Variants in SEC23IP observed in about 807,000 individuals in gnomAD.
SEC23IP encodes the protein SEC23-interacting protein.
SEC23IP carries 70 observed loss-of-function variants against 113.4 expected under a neutral mutation model. That is an observed-to-expected ratio of 0.62 (90% CI 0.51 to 0.75). The LOEUF (loss-of-function observed/expected upper bound fraction) is 0.75. Ranked by LOEUF, SEC23IP falls within the 30% of genes least tolerant of loss-of-function variation. The probability of loss-of-function intolerance (pLI) is 0.00; values close to 1 mark genes in which losing one functional copy is unlikely to be tolerated. For synonymous variants in SEC23IP, 398 were observed against 421.0 expected (o/e 0.95, Z 0.67); for missense variants, 1,160 against 1,204.9 (o/e 0.96, Z 0.55).
At position 119,892,838 on chromosome 10, in the gene SEC23IP, G is replaced by C. The variant is rs564173559; in HGVS notation, c.56G>C (p.Gly19Ala). 6.2e-7 allele frequency: 1 copy of C among 1,613,786 alleles called. No homozygotes were observed. The highest frequency in any genetic ancestry group is 1.1e-5 in the South Asian group (1 of 91,010). Residue 19 changes from glycine (G) to alanine (A), a missense_variant, in exon 1 of 19, where the codon GGC becomes GCC. Transcript: ENST00000369075. ...GGCGGCGCCTCCACTTCCTCATCGG[G>C]CACTAACTTACTTTTCTCCTCCTCG... ...GSGGASTSSSGTNLLFSSSAT... is the reference protein window; with the variant it reads ...GSGGASTSSSATNLLFSSSAT...
rs1466631510 is a variant in SEC23IP, at chr10:119,898,797, A to G, written c.534A>G (p.Pro178=). The G allele has an allele frequency of 1.2e-6, 2 of 1,614,174 alleles. No individual in the cohort carries two copies. Among genetic ancestry groups the G allele is most frequent in the Non-Finnish European group, 1.7e-6 (2 of 1,180,022 alleles). The change falls in exon 2 of 19, where the codon CCA becomes CCG. Residue 178 remains proline, a synonymous_variant. Coordinates refer to ENST00000369075, the MANE Select transcript of SEC23IP (RefSeq NM_007190.4). ...ACCAACCCCAAGGAATTCCCCAACC[A>G]GGATACAATCCATATCGCCATACCC... ...FGNQPQGIPQ[P]GYNPYRHTPG...
rs372821831 is a variant in SEC23IP, at chr10:119,916,303, C to G, written c.1544+414C>G. ...AATATTGTTTCTCAGTGGAGATGCT[C>G]TTGTCAGGACAATTCTTTGCTGTCG... is the stretch of plus-strand genomic sequence containing the variant. On this transcript the variant is annotated intron_variant, in intron 8 of 18. Transcript: ENST00000369075. Among the ~76,000 whole-genome samples, 546 of 152,268 alleles carry G rather than the reference C, an allele frequency of 3.6e-3. 1 individual carries two copies. Among genetic ancestry groups the G allele is most frequent in the African/African-American group, 0.013 (524 of 41,564 alleles).
In SEC23IP at chr10:119,943,375, C is replaced by G. The variant is rs1856008164; in HGVS notation, c.*2810C>G. The G allele has an allele frequency of 1.3e-5, 2 of 152,154 alleles. No individual in the cohort carries two copies. The highest frequency in any genetic ancestry group is 4.8e-5 in the African/African-American group (2 of 41,430). 9.4% of individuals were successfully genotyped at this position (152,154 alleles called of 1,614,324 possible). A position where few individuals can be genotyped will look rare whatever the true frequency, so the allele number is the denominator to read the frequency against. On this transcript the variant is annotated 3_prime_UTR_variant, in exon 19 of 19. Transcript: ENST00000369075. ...TGCACGGGACAGACTGTCAGCTAAC[C>G]TGTCTTCATGACATTTCTATAATAC...
rs776226090 is a variant in SEC23IP, at chr10:119,917,925, C to T, written c.1634C>T (p.Pro545Leu). The stretch of plus-strand genomic sequence containing the variant: ...CTAGATATTTTATTTTATAACAGCC[C>T]CACCTACTGTCAGACAATTGTGGAA... The part of the protein sequence containing the change: ...TLLDILFYNS[P>L]TYCQTIVEKV... Residue 545 changes from proline to leucine, a missense_variant, in exon 9 of 19, where the codon CCC becomes CTC. Physicochemically the swap from Pro to Leu is moderately conservative, Grantham distance 98. Coordinates refer to ENST00000369075, the MANE Select transcript of SEC23IP (RefSeq NM_007190.4). 6.2e-7 allele frequency: 1 copy of T among 1,613,824 alleles called. No homozygotes were observed. The highest frequency in any genetic ancestry group is 1.1e-5 in the South Asian group (1 of 91,076).
At chr10:119,895,352 T>C (rs941357652) in intron 1 of SEC23IP, among the ~76,000 whole-genome samples, 3 of 152,170 alleles carry the variant, frequency 2.0e-5, no homozygotes, top group Admixed American at 6.5e-5. Flanking sequence ...CACTCCACCC[T>C]GGGCGACAGA....
In SEC23IP at chr10:119,918,249, T is replaced by C. The variant is rs1855117855; in HGVS notation, c.1754-144T>C. ...AGGGAATGCTATGTATTTTACTTTA[T>C]TCTGCTGTTTGATAAAATAATTAAT... is the stretch of plus-strand genomic sequence containing the variant. On this transcript the variant is annotated intron_variant, in intron 9 of 18. Coordinates refer to ENST00000369075, the MANE Select transcript of SEC23IP (RefSeq NM_007190.4). 4.4e-6 allele frequency: 3 copies of C among 677,348 alleles called. No individual in the cohort carries two copies. The African/African-American group carries it at 5.4e-5, about 12-fold the overall frequency. 42.0% of individuals were successfully genotyped at this position (677,348 alleles called of 1,614,324 possible).
intron 2 of SEC23IP, among the ~76,000 whole-genome samples, chr10:119,901,560 G>C (rs543311786): frequency 1.3e-5 from 2 of 151,978 alleles, no homozygotes; most frequent in Non-Finnish European, 2.9e-5. Context: ...ACAGTAAAAG[G>C]CATCCATTTA....
intron 2 of SEC23IP, among the ~76,000 whole-genome samples, chr10:119,902,561 AATC>A (rs72318530): frequency 0.54 from 81,607 of 151,576 alleles, 22,318 homozygotes; most frequent in East Asian, 0.63. Flanking sequence ...TGCAATGTGT[AATC>A]ATCACATCAG....
At chr10:119,916,077 T>C (rs1855042688) in intron 8 of SEC23IP, among the ~76,000 whole-genome samples, 188 bp downstream of exon 8, 1 of 152,228 alleles carries the variant, frequency 6.6e-6, no homozygotes, top group Admixed American at 6.5e-5. Context: ...GTGCATTCCT[T>C]TTGTAAATAT....
chr10:119,898,164 A>G (rs898111466), intron 1 of SEC23IP: 1 of 393,172 alleles, frequency 2.5e-6, no homozygotes, highest in South Asian at 6.8e-5. Context: ...CAGTGTTAAC[A>G]GCGTGATTGT....
intron 1 of SEC23IP, among the ~76,000 whole-genome samples, chr10:119,897,500 C>T (rs191599561): frequency 1.3e-5 from 2 of 152,196 alleles, no homozygotes; most frequent in East Asian, 1.9e-4. Context: ...TAGGGAATGG[C>T]AATTAATGGT....
chr10:119,921,796 C>T (rs567580309), intron 12 of SEC23IP, among the ~76,000 whole-genome samples: 48 of 152,070 alleles, frequency 3.2e-4, no homozygotes, highest in African/African-American at 1.1e-3. Context: ...TTAGGGTGGC[C>T]GTCTTATTTG....
chr10:119,910,075 C>T (rs1412729493), intron 5 of SEC23IP, among the ~76,000 whole-genome samples: 1 of 152,102 alleles, frequency 6.6e-6, no homozygotes, highest in Non-Finnish European at 1.5e-5. Context: ...CCTGTTGAAG[C>T]CACCAGCTCT....
intron 4 of SEC23IP, among the ~76,000 whole-genome samples, chr10:119,907,310 C>T (rs554053686): frequency 6.6e-6 from 1 of 151,346 alleles, no homozygotes; most frequent in Non-Finnish European, 1.5e-5. Context: ...AAAAAAAGTA[C>T]GGAAGACTGA....
At chr10:119,897,928 C>T (rs1215219389) in intron 1 of SEC23IP, among the ~76,000 whole-genome samples, 2 of 151,174 alleles carry the variant, frequency 1.3e-5, no homozygotes, top group Non-Finnish European at 2.9e-5. Flanking sequence ...TGGCGTGAAC[C>T]TGGGAGGCGG....
chr10:119,904,027 T>G, intron 3 of SEC23IP, 57 bp from the exon 4 acceptor site: 2 of 1,571,940 alleles, frequency 1.3e-6, no homozygotes, highest in South Asian at 2.3e-5. Context: ...GCAGATTATT[T>G]ATTATTTTAC....
chr10:119,935,880 GGAA>G (rs1855762916), intron 18 of SEC23IP, among the ~76,000 whole-genome samples: 1 of 152,220 alleles, frequency 6.6e-6, no homozygotes, highest in African/African-American at 2.4e-5. Context: ...GATATCTGGA[GGAA>G]GAAGACCACT....
At chr10:119,931,045 G>C (rs1175093859) in intron 15 of SEC23IP, among the ~76,000 whole-genome samples, 1 of 152,070 alleles carries the variant, frequency 6.6e-6, no homozygotes, top group African/African-American at 2.4e-5. Context: ...GAACTCTTTT[G>C]AAGTTAAAAT....
At chr10:119,922,157 T>C (rs1855269778) in intron 12 of SEC23IP, among the ~76,000 whole-genome samples, 1 of 151,762 alleles carries the variant, frequency 6.6e-6, no homozygotes, top group Non-Finnish European at 1.5e-5. Flanking sequence ...AGATGAGAGG[T>C]GGCAGTTCTG....
Sources: gnomAD v4.1 joint callset for allele counts (sites outside exome capture counted in the v4.1 genomes callset) on GRCh38, gnomAD v4.1.1 for gene constraint, MANE v1.5 for transcripts, NCBI Gene and HGNC (gene_info 2026-07-23, HGNC 2026-07-21) for gene names.